CCNC: variants seen among roughly 807,000 people sequenced by gnomAD.
The protein encoded by CCNC is cyclin C.
In CCNC, 19 loss-of-function variants were observed where a neutral mutation model predicts 50.0. The ratio of observed to expected loss-of-function variants is 0.38; its 90% CI spans 0.27 to 0.56. The LOEUF (loss-of-function observed/expected upper bound fraction) is 0.56. Ranked by LOEUF, CCNC falls within the 20% of genes least tolerant of loss-of-function variation. CCNC has a pLI of 0.72. For synonymous variants in CCNC, 93 were observed against 103.7 expected (o/e 0.90, Z 0.63); for missense variants, 200 against 327.1 (o/e 0.61, Z 3.00).
chr6:99,568,788 A>C, upstream of CCNC: 1 of 1,167,130 alleles, frequency 8.6e-7, no homozygotes, highest in Non-Finnish European at 1.1e-6. Flanking sequence ...GGAGGTGCTG[A>C]CCCTTGGAGG....
At chr6:99,555,364 A>G (rs1198289839) in intron 5 of CCNC, among the ~76,000 whole-genome samples, 1 of 151,938 alleles carries the variant, frequency 6.6e-6, no homozygotes, top group African/African-American at 2.4e-5. Flanking sequence ...TAATGACACT[A>G]TGTTCTCTCT....
chr6:99,564,141 C>T (rs1768995877), intron 1 of CCNC, among the ~76,000 whole-genome samples: 1 of 151,968 alleles, frequency 6.6e-6, no homozygotes, highest in Non-Finnish European at 1.5e-5. Context: ...ATATTTAATC[C>T]TGGCCGGGCG....
intron 11 of CCNC, 84 bp from the exon 12 acceptor site, chr6:99,543,693 C>G: frequency 6.3e-7 from 1 of 1,576,086 alleles, no homozygotes; most frequent in Non-Finnish European, 8.6e-7. Flanking sequence ...CTTTTAAATT[C>G]ATTATTCTGT....
At chr6:99,550,942 T>A (rs1056290604) in intron 7 of CCNC, 51 bp downstream of exon 7, 5 of 905,810 alleles carry the variant, frequency 5.5e-6, no homozygotes, top group Middle Eastern at 3.7e-4. Flanking sequence ...ATTTCCAACT[T>A]CATTTAATTT....
At chr6:99,550,158 A>T in intron 8 of CCNC, 60 bp downstream of exon 8, 1 of 1,173,736 alleles carries the variant, frequency 8.5e-7, no homozygotes, top group Non-Finnish European at 1.2e-6. Context: ...CTTCATATTT[A>T]ATTGTCAACC....
At chr6:99,562,667 A>G (rs1305542337) in intron 2 of CCNC, 175 bp downstream of exon 2, 2 of 523,716 alleles carry the variant, frequency 3.8e-6, no homozygotes, top group Non-Finnish European at 6.7e-6. Context: ...TTCACACAAA[A>G]AAACTTTATT....
At chr6:99,557,162 G>A (rs1336605368) in intron 5 of CCNC, 1 of 152,072 alleles carries the variant, frequency 6.6e-6, no homozygotes, top group Non-Finnish European at 1.5e-5. Context: ...AATCCTTTCT[G>A]GATTCATGAA....
chr6:99,549,306 A>AC, intron 9 of CCNC: 4 of 596,742 alleles, frequency 6.7e-6, no homozygotes, highest in Non-Finnish European at 1.2e-5. Flanking sequence ...AAAAAAAAAA[A>AC]CTTACCAAAA....
At chr6:99,545,041 A>G in intron 11 of CCNC, 71 bp downstream of exon 11, 1 of 722,456 alleles carries the variant, frequency 1.4e-6, no homozygotes, top group Non-Finnish European at 2.4e-6. Flanking sequence ...ACAAAACAAC[A>G]TAATCTAAGA....
At position 99,555,262 on chromosome 6, in the gene CCNC, A is replaced by G. The variant is rs542950840; in HGVS notation, c.346+3235T>C. ...ATTCCCTTCACTGAAGTTGTTTCAT[A>G]TATTTTTAATATAGTTAGACTATTC... On this transcript the variant is annotated intron_variant, in intron 5 of 11. Coordinates refer to ENST00000520429, the MANE Select transcript of CCNC (RefSeq NM_005190.4). Among the ~76,000 whole-genome samples the G allele has an allele frequency of 2.0e-4, 31 of 152,246 alleles. No homozygotes were observed. The South Asian group carries it at 5.8e-3, about 28-fold the overall frequency.
chr6:99,545,277 A>G, intron 10 of CCNC, 47 bp from the exon 11 acceptor site: 3 of 936,946 alleles, frequency 3.2e-6, no homozygotes, highest in Non-Finnish European at 5.3e-6. Flanking sequence ...AACAAGCAAC[A>G]TTTTTTATAT....
At chr6:99,564,981 CTAAGG>C (rs1227685085) in intron 1 of CCNC, among the ~76,000 whole-genome samples, 2 of 152,054 alleles carry the variant, frequency 1.3e-5, no homozygotes, top group African/African-American at 4.8e-5. Context: ...TCCAAATGTG[CTAAGG>C]TATTTCCTGA....
chr6:99,568,185 C>T (rs1034315158), intron 1 of CCNC: 4 of 448,124 alleles, frequency 8.9e-6, no homozygotes, highest in Non-Finnish European at 1.6e-5. Flanking sequence ...TACCTGTGCC[C>T]ACTCTATCCG....
At position 99,568,490 on chromosome 6, in the gene CCNC, G is replaced by C. The variant is rs1769257271; in HGVS notation, c.32+6C>G. On this transcript the variant is annotated splice_donor_region_variant and intron_variant, in intron 1 of 11. Coordinates refer to ENST00000520429, the MANE Select transcript of CCNC (RefSeq NM_005190.4). ...GCCCCAGGTGAGAAGACGGAAGATC[G>C]CTTACTAGTGGGAGCTCTGCCAAAA... The C allele has an allele frequency of 6.2e-7, 1 of 1,612,058 alleles. No individual in the cohort carries two copies. Among genetic ancestry groups the C allele is most frequent in the Non-Finnish European group, 8.5e-7 (1 of 1,179,046 alleles).
At chr6:99,554,305 G>A (rs978894945) in intron 5 of CCNC, among the ~76,000 whole-genome samples, 6 of 151,816 alleles carry the variant, frequency 4.0e-5, no homozygotes, top group African/African-American at 1.5e-4. Context: ...CCTGGCTAAG[G>A]CAGTATTTCT....
intron 1 of CCNC, among the ~76,000 whole-genome samples, chr6:99,565,638 C>T (rs541573456): frequency 6.0e-4 from 92 of 152,082 alleles, no homozygotes; most frequent in South Asian, 2.3e-3. Context: ...CTCAATGTTT[C>T]ACCACTGCTG....
At chr6:99,558,315 T>A in intron 5 of CCNC, 182 bp downstream of exon 5, 2 of 835,296 alleles carry the variant, frequency 2.4e-6, no homozygotes, top group East Asian at 3.1e-5. Flanking sequence ...TTATATCTTT[T>A]TAAAAAAAAA....
At chr6:99,544,154 T>G in intron 11 of CCNC, 1 of 1,496,962 alleles carries the variant, frequency 6.7e-7, no homozygotes, top group Admixed American at 2.3e-5. Context: ...GCTGAATACT[T>G]AAAAATAACT....
intron 4 of CCNC, among the ~76,000 whole-genome samples, chr6:99,559,908 C>A (rs561502557): frequency 6.6e-6 from 1 of 151,712 alleles, no homozygotes; most frequent in Admixed American, 6.6e-5. Flanking sequence ...TTAGTAGAGA[C>A]GGGGTTTTGC....
Sources: allele counts gnomAD v4.1 joint callset (sites outside exome capture counted in the v4.1 genomes callset), GRCh38; gene constraint gnomAD v4.1.1; transcripts MANE v1.5; gene names NCBI Gene and HGNC (gene_info 2026-07-23, HGNC 2026-07-21).